Variants in FOXP1 observed in about 807,000 individuals in gnomAD.
FOXP1 encodes the protein forkhead box protein P1.
In FOXP1, 15 loss-of-function variants were observed where a neutral mutation model predicts 98.2. The observed-to-expected ratio is 0.15, with a 90% confidence interval of 0.10 to 0.24. The LOEUF (loss-of-function observed/expected upper bound fraction) is 0.24, where lower values mean the gene tolerates loss of function less well. FOXP1 is among the 10% of genes least tolerant of loss of function. FOXP1 has a pLI of 1.00. For missense variants in FOXP1, 633 were observed against 848.5 expected (o/e 0.75, Z 3.15); for synonymous variants, 371 against 314.5 (o/e 1.18, Z -1.90).
chr3:71,426,525 T>C (rs146283887), intron 3 of FOXP1, among the ~76,000 whole-genome samples: 1 of 152,224 alleles, frequency 6.6e-6, no homozygotes, highest in East Asian at 1.9e-4. Flanking sequence ...CTAAATGTGG[T>C]TTCTGATAAA....
At chr3:71,286,622 T>C (rs1335319152) in intron 5 of FOXP1, among the ~76,000 whole-genome samples, 2 of 152,156 alleles carry the variant, frequency 1.3e-5, no homozygotes, top group African/African-American at 2.4e-5. Context: ...CTTTGAAAGA[T>C]ACAAAGTTCC....
intron 3 of FOXP1, among the ~76,000 whole-genome samples, chr3:71,424,252 C>T (rs2083904649): frequency 1.3e-5 from 2 of 152,184 alleles, no homozygotes; most frequent in Non-Finnish European, 2.9e-5. Flanking sequence ...GGCATCACCT[C>T]CTCTGCAGTC....
At chr3:71,209,938 C>T (rs1045656477) in intron 5 of FOXP1, among the ~76,000 whole-genome samples, 7 of 152,136 alleles carry the variant, frequency 4.6e-5, no homozygotes, top group Non-Finnish European at 7.4e-5. Flanking sequence ...ATATCTTACA[C>T]TTATAATCAG....
chr3:71,296,747 G>A (rs1177417144), intron 5 of FOXP1, among the ~76,000 whole-genome samples: 1 of 152,200 alleles, frequency 6.6e-6, no homozygotes, highest in Non-Finnish European at 1.5e-5. Flanking sequence ...GGGGCCAATA[G>A]AAGGTGTTTG....
chr3:71,303,081 C>A (rs1288521804), intron 4 of FOXP1, among the ~76,000 whole-genome samples: 1 of 152,148 alleles, frequency 6.6e-6, no homozygotes, highest in Non-Finnish European at 1.5e-5. Context: ...TGTGGAGGTG[C>A]AATCTCATTT....
chr3:71,071,111 A>C (rs2053175461), intron 7 of FOXP1, among the ~76,000 whole-genome samples: 1 of 152,018 alleles, frequency 6.6e-6, no homozygotes, highest in African/African-American at 2.4e-5. Context: ...AGACACTCAC[A>C]CCCTGTCTTT....
At chr3:71,190,450 G>A (rs2062894604) in intron 6 of FOXP1, among the ~76,000 whole-genome samples, 1 of 144,590 alleles carries the variant, frequency 6.9e-6, no homozygotes. Flanking sequence ...TATCTCTACA[G>A]GAAAACAAAA....
chr3:71,490,034 C>A (rs886823837), intron 3 of FOXP1, among the ~76,000 whole-genome samples: 2 of 152,170 alleles, frequency 1.3e-5, no homozygotes, highest in Non-Finnish European at 2.9e-5. Context: ...TTAATTGGTG[C>A]TTCTTTTGGT....
intron 5 of FOXP1, among the ~76,000 whole-genome samples, chr3:71,253,568 C>T (rs1256631071): frequency 2.6e-5 from 4 of 152,168 alleles, no homozygotes; most frequent in Non-Finnish European, 5.9e-5. Context: ...ACCCAGTACT[C>T]AGCATGTGCT....
intron 3 of FOXP1, among the ~76,000 whole-genome samples, chr3:71,390,529 C>G (rs972564573): frequency 2.2e-5 from 3 of 136,568 alleles, no homozygotes; most frequent in African/African-American, 8.5e-5. Flanking sequence ...CTGCAAGTTA[C>G]AGTTGTGCCT....
At position 71,317,983 on chromosome 3, in the gene FOXP1, C is replaced by T. The variant is rs539364330; in HGVS notation, c.-72-18103G>A. Among the ~76,000 whole-genome samples, 6 of 151,642 alleles carry T rather than the reference C, an allele frequency of 4.0e-5. No individual in the cohort carries two copies. In the South Asian group the frequency reaches 6.4e-4, roughly 16 times the overall value. ...AAATGACATTTTAAGGAAACAGATA[C>T]GGCGTGGCTTTAGCCATAGTTAGAT... On this transcript the variant is annotated intron_variant, in intron 4 of 20. Transcript: ENST00000649528.
intron 4 of FOXP1, among the ~76,000 whole-genome samples, chr3:71,353,037 C>T (rs1270459614): frequency 1.3e-5 from 2 of 152,164 alleles, no homozygotes; most frequent in African/African-American, 2.4e-5. Context: ...AGACAGGACA[C>T]AGGCTCTCCT....
intron 2 of FOXP1, among the ~76,000 whole-genome samples, chr3:71,539,947 G>A (rs1397085491): frequency 6.6e-6 from 1 of 152,156 alleles, no homozygotes; most frequent in Non-Finnish European, 1.5e-5. Context: ...TGCTTATCCT[G>A]CACACCTAGC....
At chr3:71,011,725 G>A (rs775314998) in intron 12 of FOXP1, among the ~76,000 whole-genome samples, 14 of 152,150 alleles carry the variant, frequency 9.2e-5, no homozygotes, top group Non-Finnish European at 1.5e-4. Flanking sequence ...CCAAGCAACA[G>A]TTGCAGGTTG....
At chr3:71,213,679 G>A (rs2064684186) in intron 5 of FOXP1, among the ~76,000 whole-genome samples, 2 of 152,158 alleles carry the variant, frequency 1.3e-5, no homozygotes, top group Admixed American at 1.3e-4. Context: ...AGCCGGGTGT[G>A]CTGGTGGGTG....
At chr3:71,096,102 A>G (rs758152804) in intron 7 of FOXP1, among the ~76,000 whole-genome samples, 3 of 152,232 alleles carry the variant, frequency 2.0e-5, no homozygotes, top group East Asian at 1.9e-4. Flanking sequence ...GGATTTCCCA[A>G]TATCTTCTGA....
chr3:71,431,913 T>C (rs2084753686), intron 3 of FOXP1, among the ~76,000 whole-genome samples: 1 of 152,200 alleles, frequency 6.6e-6, no homozygotes, highest in Non-Finnish European at 1.5e-5. Flanking sequence ...AGACTAAATT[T>C]AAACACCATC....
intron 12 of FOXP1, among the ~76,000 whole-genome samples, chr3:71,007,438 T>C (rs1323758912): frequency 1.3e-5 from 2 of 152,212 alleles, no homozygotes; most frequent in African/African-American, 2.4e-5. Flanking sequence ...TGAAACAATT[T>C]ATGATATCCG....
chr3:71,480,970 G>A lies in FOXP1; in HGVS notation c.-168+12456C>T, dbSNP rs551365313. ...ACACTGAGGCACAAGGTATAAGGAA[G>A]GGCAGGCAATATCCTTCATTCTTTT... On this transcript the variant is annotated intron_variant, in intron 3 of 20. Coordinates refer to ENST00000649528, the MANE Select transcript of FOXP1 (RefSeq NM_001349338.3). Among the ~76,000 whole-genome samples, 18 of 152,278 alleles carry A rather than the reference G, an allele frequency of 1.2e-4. No individual in the cohort carries two copies. The South Asian group carries it at 1.9e-3, about 16-fold the overall frequency.
Sources: gnomAD v4.1 joint callset for allele counts (sites outside exome capture counted in the v4.1 genomes callset) on GRCh38, gnomAD v4.1.1 for gene constraint, MANE v1.5 for transcripts, NCBI Gene and HGNC (gene_info 2026-07-23, HGNC 2026-07-21) for gene names.